Variants in ADAMTS17 observed in about 807,000 individuals in gnomAD.
The protein encoded by ADAMTS17 is A disintegrin and metalloproteinase with thrombospondin motifs 17.
A neutral mutation model predicts 141.5 loss-of-function variants in ADAMTS17; 113 were observed. That is an observed-to-expected ratio of 0.80 (90% CI 0.69 to 0.93). ADAMTS17 has a LOEUF of 0.93. ADAMTS17 is among the 40% of genes least tolerant of loss of function. ADAMTS17 has a pLI of 0.00. For missense variants in ADAMTS17, 1,659 were observed against 1,517.9 expected (o/e 1.09, Z -1.54); for synonymous variants, 768 against 630.6 (o/e 1.22, Z -3.27).
At chr15:100,175,506 C>A (rs1225214115) in intron 8 of ADAMTS17, among the ~76,000 whole-genome samples, 4 of 152,156 alleles carry the variant, frequency 2.6e-5, no homozygotes, top group African/African-American at 9.7e-5. Context: ...GAAAAGAAAA[C>A]CAACATTTCA....
intron 15 of ADAMTS17, among the ~76,000 whole-genome samples, chr15:100,061,382 C>T (rs2033109472): frequency 6.6e-6 from 1 of 152,170 alleles, no homozygotes; most frequent in Non-Finnish European, 1.5e-5. Flanking sequence ...ATCGGCTCTC[C>T]AAGGCACAGC....
chr15:100,244,128 C>T (rs2042914519), intron 7 of ADAMTS17, among the ~76,000 whole-genome samples: 1 of 151,980 alleles, frequency 6.6e-6, no homozygotes, highest in Non-Finnish European at 1.5e-5. Context: ...CCAGAGAGAG[C>T]TTCTGCAGGG....
Position 99,993,105 on chromosome 15 carries a change from C to T in ADAMTS17, c.2892G>A (p.Glu964=), listed in dbSNP as rs767320224. 9.3e-6 allele frequency: 15 copies of T among 1,614,168 alleles called. No individual in the cohort carries two copies. In the South Asian group the frequency reaches 1.4e-4, roughly 15 times the overall value. Reference sequence around the variant, plus strand: ...AGCCTGAGTAGTCCTCGCAGGCCTCCTCGGCTCTCGGCCTCGTGGATGCGT... The same window carrying T: ...AGCCTGAGTAGTCCTCGCAGGCCTCTTCGGCTCTCGGCCTCGTGGATGCGT... ...KCDASTRPRA[E]EACEDYSGCY... The change falls in exon 20 of 22, where the codon GAG becomes GAA. Residue 964 remains glutamate (E), a synonymous_variant. Coordinates refer to ENST00000268070, the MANE Select transcript of ADAMTS17 (RefSeq NM_139057.4). The surrounding 1 kb of genome is among the most constrained non-coding windows in gnomAD (Gnocchi z 4.3).
intron 3 of ADAMTS17, among the ~76,000 whole-genome samples, chr15:100,294,866 T>C (rs1236169191): frequency 6.6e-6 from 1 of 152,152 alleles, no homozygotes; most frequent in East Asian, 1.9e-4. Context: ...ACATTTTACA[T>C]AGGTGGGGAA....
At chr15:100,336,487 A>T (rs2046211489) in intron 2 of ADAMTS17, among the ~76,000 whole-genome samples, 1 of 152,172 alleles carries the variant, frequency 6.6e-6, no homozygotes, top group South Asian at 2.1e-4. Context: ...ACATCCACTC[A>T]ATTGTTTCTT....
At chr15:99,977,186 C>T (rs9920416) in intron 20 of ADAMTS17, among the ~76,000 whole-genome samples, 2 of 150,836 alleles carry the variant, frequency 1.3e-5, no homozygotes, top group East Asian at 2.0e-4. Context: ...ATGTGGCTGA[C>T]GGTGTTGATT....
chr15:100,171,101 T>C (rs116552436), intron 8 of ADAMTS17, among the ~76,000 whole-genome samples: 1,863 of 152,124 alleles, frequency 0.012, 35 homozygotes, highest in African/African-American at 0.042. Context: ...GCACTTCCTA[T>C]ACCCTTCAAA....
intron 8 of ADAMTS17, among the ~76,000 whole-genome samples, chr15:100,168,907 C>CT (rs2040053454): frequency 6.6e-6 from 1 of 152,214 alleles, no homozygotes; most frequent in Non-Finnish European, 1.5e-5. Flanking sequence ...CTCCCCTTGC[C>CT]CCCCAGGTGC....
rs193118257 is a variant in ADAMTS17 at position 100,330,256 on chromosome 15, A to G, written c.616+633T>C. On this transcript the variant is annotated intron_variant, in intron 3 of 21. Transcript: ENST00000268070. ...ATACCCCAGACTAAAACAGATCAGGATGTTGGGGGACAGGCCAGTGCATGG... is the reference window on the plus strand; with the variant it reads ...ATACCCCAGACTAAAACAGATCAGGGTGTTGGGGGACAGGCCAGTGCATGG... Among the ~76,000 whole-genome samples the G allele has an allele frequency of 8.3e-4, 126 of 152,286 alleles. 1 individual carries two copies. The highest frequency in any genetic ancestry group is 3.2e-3 in the Admixed American group (49 of 15,304).
At chr15:99,979,734 A>T (rs764908485) in intron 20 of ADAMTS17, 1 of 152,242 alleles carries the variant, frequency 6.6e-6, no homozygotes, top group Non-Finnish European at 1.5e-5. Flanking sequence ...GCTTCTATTC[A>T]ACTGTTTTGA....
At chr15:99,992,560 G>A (rs1034827355) in intron 20 of ADAMTS17, among the ~76,000 whole-genome samples, 19 of 152,144 alleles carry the variant, frequency 1.2e-4, no homozygotes, top group African/African-American at 3.6e-4. Context: ...CCTTGCTCTC[G>A]GGAGTGCTGA....
chr15:100,322,481 TA>T (rs534042618), intron 3 of ADAMTS17, among the ~76,000 whole-genome samples: 51 of 152,294 alleles, frequency 3.3e-4, no homozygotes, highest in African/African-American at 1.2e-3. Flanking sequence ...CTCTCCAGAG[TA>T]ATAGAATTCA....
chr15:100,126,638 T>C (rs1265620611), intron 12 of ADAMTS17, among the ~76,000 whole-genome samples: 1 of 152,226 alleles, frequency 6.6e-6, no homozygotes, highest in Non-Finnish European at 1.5e-5. Context: ...TTTGGCCTAA[T>C]CGTTTATGAT....
chr15:100,147,445 T>C (rs921053349), intron 10 of ADAMTS17, among the ~76,000 whole-genome samples: 1 of 152,198 alleles, frequency 6.6e-6, no homozygotes. Flanking sequence ...GTGTAGCCTA[T>C]TGCTCCTAGG....
intron 10 of ADAMTS17, among the ~76,000 whole-genome samples, chr15:100,138,602 G>C (rs540584885): frequency 6.6e-6 from 1 of 152,180 alleles, no homozygotes; most frequent in Non-Finnish European, 1.5e-5. Context: ...GAGGAAAGGC[G>C]GTGGGGAATA....
chr15:99,987,629 G>A (rs1426074977), intron 20 of ADAMTS17, among the ~76,000 whole-genome samples: 4 of 152,158 alleles, frequency 2.6e-5, no homozygotes, highest in East Asian at 1.9e-4. Flanking sequence ...TAAACAGTCC[G>A]AATCAGACAA....
chr15:99,993,013 C>A lies in ADAMTS17; in HGVS notation c.2949+35G>T. The A allele has an allele frequency of 6.2e-7, 1 of 1,613,230 alleles. No homozygotes were observed. Among genetic ancestry groups the A allele is most frequent in the Non-Finnish European group, 8.5e-7 (1 of 1,179,838 alleles). On this transcript the variant is annotated intron_variant, in intron 20 of 21. Transcript: ENST00000268070. The surrounding 1 kb of genome is among the most constrained non-coding windows in gnomAD (Gnocchi z 4.3). ...CCCGACCCTCGAGCCCCCTGCACTG[C>A]GGCACGGAGAGAAATGCCAGCAGGC...
chr15:100,080,535 TG>T (rs893470927), intron 15 of ADAMTS17, among the ~76,000 whole-genome samples: 1 of 152,100 alleles, frequency 6.6e-6, no homozygotes, highest in African/African-American at 2.4e-5. Flanking sequence ...AATGAAGGTT[TG>T]GGTCACTCCA....
chr15:100,113,439 G>A (rs1385144385), intron 13 of ADAMTS17, among the ~76,000 whole-genome samples: 1 of 152,148 alleles, frequency 6.6e-6, no homozygotes, highest in Non-Finnish European at 1.5e-5. Flanking sequence ...ACTGACTATG[G>A]GGTGCTCTCC....
Sources: gnomAD v4.1 joint callset for allele counts (sites outside exome capture counted in the v4.1 genomes callset) on GRCh38, gnomAD v4.1.1 for gene constraint, Gnocchi (gnomAD v3.1) non-coding constraint, MANE v1.5 for transcripts, NCBI Gene and HGNC (gene_info 2026-07-23, HGNC 2026-07-21) for gene names.